The following RBFOX1 variants were observed in gnomAD, a reference collection of about 807,000 sequenced individuals.
RBFOX1 encodes RNA binding fox-1 homolog 1.
In RBFOX1, 8 loss-of-function variants were observed where a neutral mutation model predicts 57.7. The ratio of observed to expected loss-of-function variants is 0.14; its 90% confidence interval spans 0.08 to 0.25. The LOEUF is 0.25. Ranked by LOEUF, RBFOX1 falls within the 10% of genes least tolerant of loss-of-function variation. The pLI, the probability that RBFOX1 is intolerant of heterozygous loss-of-function variation, is 1.00. For missense variants in RBFOX1, 611 were observed against 548.5 expected (o/e 1.11, Z -1.14); for synonymous variants, 326 against 222.4 (o/e 1.47, Z -4.15).
chr16:7,615,925 C>G (rs1165202410), intron 10 of RBFOX1, among the ~76,000 whole-genome samples: 2 of 152,220 alleles, frequency 1.3e-5, no homozygotes, highest in Admixed American at 6.5e-5. Context: ...AATACCTTAA[C>G]AACTCTCATG....
At chr16:5,432,078 C>G (rs890777414) in intron 1 of RBFOX1, among the ~76,000 whole-genome samples, 1 of 152,094 alleles carries the variant, frequency 6.6e-6, no homozygotes, top group African/African-American at 2.4e-5. Flanking sequence ...GGGGACTGCA[C>G]AGCCCTGAGA....
In RBFOX1 at chr16:6,774,460, AACCCAATT is replaced by A. The variant is rs551297891; in HGVS notation, c.-16+119814_-16+119821del. Among the ~76,000 whole-genome samples the A allele has an allele frequency of 1.2e-3, 179 of 152,260 alleles. 3 individuals carry two copies. In the East Asian group the frequency reaches 0.025, roughly 21 times the overall value. On this transcript the variant is annotated intron_variant, in intron 3 of 15. Transcript: ENST00000550418. ...TTCCAGAAGCAAATTAAATATCAAC[AACCCAATT>A]ACCTTTTGTCTCTGCTACCAAGCAT...
chr16:5,664,485 T>C (rs1420286608), intron 3 of RBFOX1, among the ~76,000 whole-genome samples: 1 of 151,928 alleles, frequency 6.6e-6, no homozygotes, highest in Non-Finnish European at 1.5e-5. Flanking sequence ...AGGCGGAGGT[T>C]GCAATGAACC....
At chr16:6,762,598 G>T (rs567484721) in intron 3 of RBFOX1, among the ~76,000 whole-genome samples, 5 of 152,124 alleles carry the variant, frequency 3.3e-5, no homozygotes, top group Admixed American at 1.3e-4. Flanking sequence ...AAGAATCTTA[G>T]ATATGAAAGG....
intron 4 of RBFOX1, among the ~76,000 whole-genome samples, chr16:7,505,482 A>G (rs1450837206): frequency 6.6e-6 from 1 of 152,230 alleles, no homozygotes; most frequent in Admixed American, 6.5e-5. Flanking sequence ...GGCTAAGCAC[A>G]TATTTCCCTT....
chr16:6,683,331 A>G lies in RBFOX1; in HGVS notation c.-16+28681A>G, dbSNP rs182240918. On this transcript the variant is annotated intron_variant, in intron 3 of 15. Coordinates refer to ENST00000550418, the MANE Select transcript of RBFOX1 (RefSeq NM_018723.4). ...AATACGGTCCTGGGCATTAGATTTAATTTTGAATCAAAGTTAATATTCTTA... is the reference window on the plus strand; with the variant it reads ...AATACGGTCCTGGGCATTAGATTTAGTTTTGAATCAAAGTTAATATTCTTA... 1.8e-4 allele frequency among the ~76,000 whole-genome samples: 27 copies of G among 152,304 alleles called. No homozygotes were observed. In the East Asian group the frequency reaches 5.2e-3, roughly 29 times the overall value.
chr16:6,923,148 G>T (rs541080934), intron 3 of RBFOX1, among the ~76,000 whole-genome samples: 1 of 152,192 alleles, frequency 6.6e-6, no homozygotes, highest in Non-Finnish European at 1.5e-5. Flanking sequence ...AGCTGGTCCA[G>T]TGTGAGTCTG....
chr16:6,268,740 A>G (rs2074850209), intron 1 of RBFOX1, among the ~76,000 whole-genome samples: 1 of 152,240 alleles, frequency 6.6e-6, no homozygotes, highest in South Asian at 2.1e-4. Context: ...GAAACACACA[A>G]CACACAAACA....
chr16:7,178,057 A>T (rs1031353479), intron 4 of RBFOX1, among the ~76,000 whole-genome samples: 3 of 152,232 alleles, frequency 2.0e-5, no homozygotes, highest in Admixed American at 2.0e-4. Flanking sequence ...TGTTGTACAG[A>T]TGCAGAAAGT....
At chr16:7,115,682 C>A (rs1011305288) in intron 4 of RBFOX1, among the ~76,000 whole-genome samples, 1 of 152,170 alleles carries the variant, frequency 6.6e-6, no homozygotes, top group Non-Finnish European at 1.5e-5. Flanking sequence ...AGAGGGGACA[C>A]CCAAGACAGA....
intron 13 of RBFOX1, among the ~76,000 whole-genome samples, chr16:7,675,354 C>G (rs72776878): frequency 0.12 from 18,104 of 151,704 alleles, 1,229 homozygotes; most frequent in Middle Eastern, 0.21. Context: ...CAGGTGGCAT[C>G]TGGCTAAGAC....
chr16:7,230,350 G>T (rs557157706), intron 4 of RBFOX1, among the ~76,000 whole-genome samples: 4 of 152,208 alleles, frequency 2.6e-5, no homozygotes, highest in African/African-American at 9.6e-5. Context: ...TTGGGGCAGG[G>T]TCTGTTTTCT....
chr16:7,619,758 A>G (rs544179427), intron 10 of RBFOX1, among the ~76,000 whole-genome samples: 1 of 152,278 alleles, frequency 6.6e-6, no homozygotes, highest in Admixed American at 6.5e-5. Flanking sequence ...GTTGAATGAC[A>G]GTTTCTAATT....
chr16:5,719,316 C>G (rs1464394831), intron 3 of RBFOX1, among the ~76,000 whole-genome samples: 1 of 151,536 alleles, frequency 6.6e-6, no homozygotes, highest in African/African-American at 2.4e-5. Flanking sequence ...ATTCTCCTGC[C>G]TCAGCCTCCC....
chr16:6,589,474 C>T (rs533581677), intron 2 of RBFOX1, among the ~76,000 whole-genome samples: 11 of 152,136 alleles, frequency 7.2e-5, no homozygotes, highest in Non-Finnish European at 1.6e-4. Flanking sequence ...CGGTGGGGTC[C>T]ACAGACCAGA....
At chr16:6,827,289 C>T (rs2092275326) in intron 3 of RBFOX1, among the ~76,000 whole-genome samples, 1 of 151,786 alleles carries the variant, frequency 6.6e-6, no homozygotes, top group Admixed American at 6.6e-5. Context: ...AAAGTGCTGT[C>T]CTCCAAACCA....
At chr16:7,546,568 T>G (rs570107224) in intron 5 of RBFOX1, among the ~76,000 whole-genome samples, 18 of 152,262 alleles carry the variant, frequency 1.2e-4, no homozygotes, top group African/African-American at 4.3e-4. Context: ...TTGAGAGGCT[T>G]TGCAATGTTT....
intron 3 of RBFOX1, among the ~76,000 whole-genome samples, chr16:6,768,220 CAAAAG>C (rs1038668583): frequency 1.8e-4 from 28 of 151,992 alleles, no homozygotes; most frequent in African/African-American, 6.5e-4. Flanking sequence ...AGACCGAAAA[CAAAAG>C]AAACAAGGAC....
At chr16:6,944,319 G>A (rs1000722444) in intron 3 of RBFOX1, among the ~76,000 whole-genome samples, 5 of 150,744 alleles carry the variant, frequency 3.3e-5, no homozygotes, top group Admixed American at 1.3e-4. Context: ...CGCTTGAACC[G>A]AAGAGGCGGA....
Sources: allele counts gnomAD v4.1 joint callset (sites outside exome capture counted in the v4.1 genomes callset), GRCh38; gene constraint gnomAD v4.1.1; transcripts MANE v1.5; gene names NCBI Gene and HGNC (gene_info 2026-07-23, HGNC 2026-07-21).